Variants in RRH observed in about 807,000 individuals in gnomAD.
The protein encoded by RRH is retinal pigment epithelium-derived rhodopsin homolog.
A neutral mutation model predicts 33.1 loss-of-function variants in RRH; 36 were observed. The ratio of observed to expected loss-of-function variants is 1.09; its 90% CI spans 0.83 to 1.44. RRH has a LOEUF of 1.44. Among genes scored for constraint, RRH ranks in the 40% most tolerant of loss-of-function variants. The pLI, the probability that RRH is intolerant of heterozygous loss-of-function variation, is 0.00. For missense variants in RRH, 393 were observed against 420.2 expected, an observed-to-expected ratio of 0.94 and a Z score of 0.57; for synonymous variants, 124 against 140.2, an observed-to-expected ratio of 0.88 and a Z score of 0.82.
chr4:109,838,846 T>C (rs1055568524), intron 5 of RRH, among the ~76,000 whole-genome samples: 2 of 152,176 alleles, frequency 1.3e-5, no homozygotes, highest in Non-Finnish European at 2.9e-5. Flanking sequence ...TGAAAATGTA[T>C]ACTGATGCAC....
intron 6 of RRH, among the ~76,000 whole-genome samples, chr4:109,843,607 A>T (rs934710261): frequency 6.6e-6 from 1 of 152,240 alleles, no homozygotes; most frequent in African/African-American, 2.4e-5. Flanking sequence ...CAAACAGACC[A>T]CATAAGAAGA....
rs1306603317 is a variant in RRH, at chr4:109,842,543, T to C, written c.795T>C (p.Phe265=). The C allele has an allele frequency of 6.2e-7, 1 of 1,613,798 alleles. No homozygotes were observed. Among genetic ancestry groups the C allele is most frequent in the East Asian group, 2.2e-5 (1 of 44,896 alleles). Residue 265 remains phenylalanine, a synonymous_variant, in exon 6 of 7, where the codon TTT becomes TTC. Transcript: ENST00000317735. ...PYSIVCLWAS[F]GDPKKIPPPM... ...CCATCGTGTGCTTATGGGCTTCTTT[T>C]GGTGACCCAAAGAAGATTCCTCCCC...
rs111596405 is a variant in RRH at position 109,835,478 on chromosome 4, T to C, written c.397+13T>C. 8.1e-4 allele frequency: 1,287 copies of C among 1,581,224 alleles called. 4 individuals are homozygous for C. The Middle Eastern group carries it at 0.012, about 15-fold the overall frequency. On this transcript the variant is annotated intron_variant, in intron 3 of 6. Coordinates refer to ENST00000317735, the MANE Select transcript of RRH (RefSeq NM_006583.5). ...CTTCCTGACGTAGGTACAACACTTT[T>C]CTCAGCTTTCTTAATGAATCCATTT...
chr4:109,843,373 G>A (rs180690505), intron 6 of RRH, among the ~76,000 whole-genome samples: 5 of 152,202 alleles, frequency 3.3e-5, no homozygotes, highest in Non-Finnish European at 5.9e-5. Flanking sequence ...ACCACACCCG[G>A]CTAATTTTTG....
intron 1 of RRH, among the ~76,000 whole-genome samples, chr4:109,829,316 G>GT (rs1560582897): frequency 2.0e-5 from 3 of 150,682 alleles, no homozygotes; most frequent in Non-Finnish European, 4.4e-5. Context: ...ACAAGTTCTA[G>GT]TTTTTTTGTA....
chr4:109,836,282 A>G, intron 4 of RRH, 122 bp downstream of exon 4: 1 of 1,003,060 alleles, frequency 1.0e-6, no homozygotes, highest in Non-Finnish European at 1.5e-6. Context: ...CTTCCCTGGT[A>G]GTGATGATGT....
intron 5 of RRH, among the ~76,000 whole-genome samples, chr4:109,842,215 G>A (rs911166155): frequency 6.6e-6 from 1 of 152,024 alleles, no homozygotes; most frequent in Non-Finnish European, 1.5e-5. Flanking sequence ...TTCCTTATGT[G>A]TGTGTACCAT....
chr4:109,836,591 C>T (rs546146519), intron 4 of RRH, among the ~76,000 whole-genome samples: 2 of 152,304 alleles, frequency 1.3e-5, no homozygotes, highest in East Asian at 1.9e-4. Flanking sequence ...CTGAGAACTG[C>T]GTAGCAAAAG....
chr4:109,828,778 C>G (rs1200239832), intron 1 of RRH, among the ~76,000 whole-genome samples: 1 of 151,764 alleles, frequency 6.6e-6, no homozygotes, highest in East Asian at 1.9e-4. Context: ...CCTTTTTGTT[C>G]TTCCATTTTC....
At position 109,832,495 on chromosome 4, in the gene RRH, AGTGTGTGTGT is replaced by A. The variant is rs36127904; in HGVS notation, c.107-615_107-606del. Among the ~76,000 whole-genome samples, 80 of 135,256 alleles carry A rather than the reference AGTGTGTGTGT, an allele frequency of 5.9e-4. 1 individual carries two copies. The highest frequency in any genetic ancestry group is 8.5e-4 in the Non-Finnish European group (55 of 64,400). The allele number at this position is 135,256 out of a possible 152,430, so 88.7% of individuals were successfully genotyped here. On this transcript the variant is annotated intron_variant, in intron 1 of 6. Transcript: ENST00000317735. ...GTAGTATGCATTCTTCTATTGGGGTAGTGTGTGTGTGTGTGTGTGTGTGTGTGTGTGTGTG... is the reference window on the plus strand; with the variant it reads ...GTAGTATGCATTCTTCTATTGGGGTAGTGTGTGTGTGTGTGTGTGTGTGTG...
intron 4 of RRH, among the ~76,000 whole-genome samples, chr4:109,836,787 G>GGA (rs1733892637): frequency 6.7e-6 from 1 of 149,372 alleles, no homozygotes; most frequent in Non-Finnish European, 1.5e-5. Context: ...GGGCACAGTG[G>GGA]TTCATGCCTG....
chr4:109,832,116 C>T (rs1733768530), intron 1 of RRH, among the ~76,000 whole-genome samples: 1 of 150,150 alleles, frequency 6.7e-6, no homozygotes, highest in Admixed American at 6.7e-5. Context: ...TAGTCTCTAA[C>T]AATCCAGTAA....
chr4:109,837,717 T>C (rs1452910092), intron 5 of RRH, 112 bp downstream of exon 5: 4 of 774,462 alleles, frequency 5.2e-6, no homozygotes, highest in African/African-American at 1.7e-5. Context: ...CAATTCTCAC[T>C]CCCCAGCTCT....
rs1428318505 is a variant in RRH, at chr4:109,844,668, AAAAT to A, written c.*476_*479del. 1 of 157,362 alleles carries A rather than the reference AAAAT, an allele frequency of 6.4e-6. No individual in the cohort carries two copies. Among genetic ancestry groups the A allele is most frequent in the Non-Finnish European group, 1.4e-5 (1 of 71,126 alleles). The allele number at this position is 157,362 out of a possible 1,614,324, so 9.7% of individuals were successfully genotyped here. ...ATCAATTAACTTATGTTATTAAACA[AAAAT>A]AAATGAACATTAAACATGATTGTTT... On this transcript the variant is annotated 3_prime_UTR_variant, in exon 7 of 7. Transcript: ENST00000317735.
chr4:109,839,851 G>C (rs748510173), intron 5 of RRH, among the ~76,000 whole-genome samples: 13 of 152,134 alleles, frequency 8.5e-5, no homozygotes, highest in Non-Finnish European at 1.8e-4. Context: ...TCTTTATCCA[G>C]TCTATCATTG....
At chr4:109,840,622 T>A (rs1733966793) in intron 5 of RRH, among the ~76,000 whole-genome samples, 1 of 152,210 alleles carries the variant, frequency 6.6e-6, no homozygotes, top group South Asian at 2.1e-4. Context: ...AGCTATTTTA[T>A]ACTCTATTCT....
intron 6 of RRH, 72 bp from the exon 7 acceptor site, chr4:109,844,011 C>T: frequency 1.0e-6 from 1 of 977,086 alleles, no homozygotes; most frequent in African/African-American, 1.6e-5. Flanking sequence ...GGCATCTTAG[C>T]CATATTTGAA....
chr4:109,837,052 A>C (rs1187319588), intron 4 of RRH, among the ~76,000 whole-genome samples: 1 of 152,086 alleles, frequency 6.6e-6, no homozygotes, highest in Non-Finnish European at 1.5e-5. Flanking sequence ...GCACCGCTGC[A>C]CTCCAGCCTG....
chr4:109,831,008 G>GT (rs1423274450), intron 1 of RRH, among the ~76,000 whole-genome samples: 3 of 152,148 alleles, frequency 2.0e-5, no homozygotes, highest in African/African-American at 7.2e-5. Flanking sequence ...ATACTCATTA[G>GT]AAGACCTACA....
Sources: gnomAD v4.1 joint callset for allele counts (sites outside exome capture counted in the v4.1 genomes callset) on GRCh38, gnomAD v4.1.1 for gene constraint, MANE v1.5 for transcripts, NCBI Gene and HGNC (gene_info 2026-07-23, HGNC 2026-07-21) for gene names.